Variants in SLIT3 observed in about 807,000 individuals in gnomAD.
SLIT3 encodes the protein slit guidance ligand 3.
Under a neutral mutation model 184.0 loss-of-function variants are expected in SLIT3, and 68 were observed. That is an observed-to-expected ratio of 0.37 (90% confidence interval 0.30 to 0.45). SLIT3 has a LOEUF of 0.45. Ranked by LOEUF, SLIT3 falls within the 20% of genes least tolerant of loss-of-function variation. The pLI, the probability that SLIT3 is intolerant of heterozygous loss-of-function variation, is 1.00. For synonymous variants in SLIT3, 831 were observed against 828.6 expected (o/e 1.00, Z -0.05); for missense variants, 1,707 against 2,026.0 (o/e 0.84, Z 3.02).
chr5:168,778,919 C>G (rs1426535890), intron 12 of SLIT3, among the ~76,000 whole-genome samples: 1 of 152,176 alleles, frequency 6.6e-6, no homozygotes, highest in African/African-American at 2.4e-5. Context: ...AGATGCAGAT[C>G]CAGTGATCTT....
chr5:168,993,612 C>G (rs181974952), intron 4 of SLIT3, among the ~76,000 whole-genome samples: 358 of 152,136 alleles, frequency 2.4e-3, no homozygotes, highest in Non-Finnish European at 3.9e-3. Context: ...GGATTCTTCT[C>G]TCTCCTAACA....
At chr5:168,678,663 AC>A (rs1245984661) in intron 32 of SLIT3, among the ~76,000 whole-genome samples, 1 of 152,126 alleles carries the variant, frequency 6.6e-6, no homozygotes, top group Non-Finnish European at 1.5e-5. Flanking sequence ...AGCCCGGGTG[AC>A]AGAGTGAGAC....
intron 4 of SLIT3, among the ~76,000 whole-genome samples, chr5:168,934,860 T>C (rs951478688): frequency 6.6e-6 from 1 of 151,188 alleles, no homozygotes; most frequent in Non-Finnish European, 1.5e-5. Context: ...CTGGGCGCGG[T>C]GGCTCACGCC....
At chr5:169,000,403 A>G (rs993362278) in intron 4 of SLIT3, among the ~76,000 whole-genome samples, 4 of 151,180 alleles carry the variant, frequency 2.6e-5, no homozygotes, top group Admixed American at 2.0e-4. Flanking sequence ...AAAAAAAAAA[A>G]AAAAAAAAAA....
At chr5:168,951,979 A>G (rs944540605) in intron 4 of SLIT3, among the ~76,000 whole-genome samples, 4 of 152,218 alleles carry the variant, frequency 2.6e-5, no homozygotes, top group African/African-American at 9.6e-5. Context: ...CCTAGCATCC[A>G]TGCTTACCGC....
At chr5:168,699,809 G>T (rs189060139) in intron 27 of SLIT3, among the ~76,000 whole-genome samples, 84 of 152,244 alleles carry the variant, frequency 5.5e-4, no homozygotes, top group Admixed American at 1.8e-3. Context: ...TTGACTAGTT[G>T]GTACCTGGCA....
chr5:169,186,723 A>G (rs966065131), intron 4 of SLIT3, among the ~76,000 whole-genome samples: 1 of 152,180 alleles, frequency 6.6e-6, no homozygotes, highest in South Asian at 2.1e-4. Flanking sequence ...CACCTGTGAT[A>G]AAAGCAGAAA....
At chr5:169,080,537 G>A (rs766755103) in intron 4 of SLIT3, among the ~76,000 whole-genome samples, 1 of 152,074 alleles carries the variant, frequency 6.6e-6, no homozygotes, top group African/African-American at 2.4e-5. Context: ...AGAGCCTGCC[G>A]GCACCAGCTG....
At chr5:169,117,857 G>A (rs946836967) in intron 4 of SLIT3, among the ~76,000 whole-genome samples, 2 of 152,152 alleles carry the variant, frequency 1.3e-5, no homozygotes, top group African/African-American at 4.8e-5. Context: ...TTCTCTCCTT[G>A]GCCCTTTACG....
intron 2 of SLIT3, among the ~76,000 whole-genome samples, chr5:169,246,756 T>G (rs578194420): frequency 2.2e-4 from 33 of 151,092 alleles, no homozygotes; most frequent in Non-Finnish European, 3.7e-4. Flanking sequence ...CTGTCTCTAC[T>G]GAAAATACAA....
chr5:169,237,216 C>T (rs906438115), intron 3 of SLIT3, among the ~76,000 whole-genome samples: 8 of 152,156 alleles, frequency 5.3e-5, no homozygotes, highest in East Asian at 1.9e-4. Flanking sequence ...CATTCCATCC[C>T]GGGATACCCC....
chr5:168,708,928 AG>A (rs953669852), intron 25 of SLIT3, among the ~76,000 whole-genome samples: 6 of 152,180 alleles, frequency 3.9e-5, no homozygotes, highest in Admixed American at 2.6e-4. Context: ...AGCTGGTACC[AG>A]GGGCTCAACC....
At chr5:168,699,868 G>A (rs1475227439) in intron 27 of SLIT3, among the ~76,000 whole-genome samples, 2 of 152,198 alleles carry the variant, frequency 1.3e-5, no homozygotes, top group African/African-American at 2.4e-5. Context: ...AGAAAAGCAT[G>A]GTGGAAGTGC....
intron 12 of SLIT3, 26 bp downstream of exon 12, chr5:168,785,881 C>A: frequency 1.9e-6 from 3 of 1,571,394 alleles, no homozygotes; most frequent in Non-Finnish European, 2.6e-6. Flanking sequence ...ACCAAAGACA[C>A]CAACAGTGAC....
intron 5 of SLIT3, among the ~76,000 whole-genome samples, chr5:168,862,688 T>G (rs1253662298): frequency 6.6e-6 from 1 of 151,570 alleles, no homozygotes; most frequent in Non-Finnish European, 1.5e-5. Flanking sequence ...GTTTTTTTTT[T>G]TGTGAGATGG....
intron 5 of SLIT3, among the ~76,000 whole-genome samples, chr5:168,854,140 C>T (rs919660045): frequency 3.3e-5 from 5 of 152,118 alleles, no homozygotes; most frequent in Non-Finnish European, 7.4e-5. Context: ...CCAGGAGTCT[C>T]GGGGCTTACC....
Position 169,165,692 on chromosome 5 carries a change from C to A in SLIT3, c.413+27787G>T, listed in dbSNP as rs530982326. Among the ~76,000 whole-genome samples the A allele has an allele frequency of 2.0e-5, 3 of 152,228 alleles. No individual in the cohort carries two copies. In the East Asian group the frequency reaches 5.8e-4, roughly 29 times the overall value. ...TTCTTATTAAAGCCTTCCTTGGCTA[C>A]CTTATCTAAAATTCACTCCACCCTT... On this transcript the variant is annotated intron_variant, in intron 4 of 35. Transcript: ENST00000519560.
At chr5:169,281,784 A>G (rs1272645051) in intron 1 of SLIT3, among the ~76,000 whole-genome samples, 1 of 152,224 alleles carries the variant, frequency 6.6e-6, no homozygotes, top group Non-Finnish European at 1.5e-5. Context: ...CAGAGATTAA[A>G]CACTGTGTGC....
chr5:168,877,308 G>A (rs1310256767), intron 5 of SLIT3, among the ~76,000 whole-genome samples: 2 of 152,176 alleles, frequency 1.3e-5, no homozygotes, highest in Non-Finnish European at 2.9e-5. Context: ...GCTGTGTGGA[G>A]GTCTGAGGGT....
Sources: allele counts gnomAD v4.1 joint callset (sites outside exome capture counted in the v4.1 genomes callset), GRCh38; gene constraint gnomAD v4.1.1; transcripts MANE v1.5; gene names NCBI Gene and HGNC (gene_info 2026-07-23, HGNC 2026-07-21).